Variants in CLN8 observed in about 807,000 individuals in gnomAD.
The protein encoded by CLN8 is protein CLN8.
Under a neutral mutation model 15.7 loss-of-function variants are expected in CLN8, and 14 were observed. The observed-to-expected ratio is 0.89, with a 90% CI of 0.59 to 1.39. The LOEUF (loss-of-function observed/expected upper bound fraction) is 1.39, where lower values mean the gene tolerates loss of function less well. Among genes scored for constraint, CLN8 ranks in the 40% most tolerant of loss-of-function variants. The probability of loss-of-function intolerance (pLI) is 0.00; values close to 1 mark genes in which losing one functional copy is unlikely to be tolerated. For missense variants in CLN8, 415 were observed against 364.0 expected, an observed-to-expected ratio of 1.14 and a Z score of -1.14; for synonymous variants, 188 against 151.0, an observed-to-expected ratio of 1.25 and a Z score of -1.80.
chr8:1,772,678 C>G (rs1410522925), intron 2 of CLN8, among the ~76,000 whole-genome samples: 1 of 152,078 alleles, frequency 6.6e-6, no homozygotes, highest in Non-Finnish European at 1.5e-5. Flanking sequence ...CGGAGTTTCA[C>G]TGTGTTGGCC....
intron 1 of CLN8, among the ~76,000 whole-genome samples, chr8:1,770,038 CTT>C (rs1563106347): frequency 1.3e-5 from 2 of 152,230 alleles, no homozygotes; most frequent in African/African-American, 4.8e-5. Context: ...CTGGGATACA[CTT>C]TGTTACAGCA....
upstream of CLN8, chr8:1,760,492 G>C (rs1800767781): frequency 6.6e-6 from 1 of 152,116 alleles, no homozygotes; most frequent in Non-Finnish European, 1.5e-5. Flanking sequence ...AGTTATGCCT[G>C]TGATGGTTTT....
intron 2 of CLN8, 85 bp from the exon 3 acceptor site, chr8:1,780,165 A>C: frequency 6.2e-7 from 1 of 1,610,792 alleles, no homozygotes; most frequent in Non-Finnish European, 8.5e-7. Flanking sequence ...TTTGGTAAGT[A>C]AGGTAGCAAA....
At position 1,783,714 on chromosome 8, in the gene CLN8, C is replaced by T. The variant is rs1468238932; in HGVS notation, c.*3147C>T. On this transcript the variant is annotated 3_prime_UTR_variant, in exon 3 of 3. Coordinates refer to ENST00000331222, the MANE Select transcript of CLN8 (RefSeq NM_018941.4). The stretch of plus-strand genomic sequence containing the variant: ...CGCAGTTCAGTGTGAGATTTTTTAC[C>T]AGGTATTGCGCTTAAGGGACATGAT... 3 of 152,040 alleles carry T rather than the reference C, an allele frequency of 2.0e-5. No homozygotes were observed. The highest frequency in any genetic ancestry group is 4.8e-5 in the African/African-American group (2 of 41,374). 9.4% of individuals were successfully genotyped at this position (152,040 alleles called of 1,614,324 possible). A position where few individuals can be genotyped will look rare whatever the true frequency, so the allele number is the denominator to read the frequency against.
upstream of CLN8, chr8:1,763,696 G>A (rs545261933): frequency 5.3e-4 from 70 of 132,078 alleles, no homozygotes; most frequent in African/African-American, 1.8e-3. Context: ...GTAGCGCCTA[G>A]GCGGGGCCTC....
chr8:1,760,545 C>T (rs1800768717), upstream of CLN8: 1 of 152,090 alleles, frequency 6.6e-6, no homozygotes, highest in African/African-American at 2.4e-5. Context: ...TAAAGATGGC[C>T]GAGTGGAAAG....
rs1296646916 is a variant in CLN8, at chr8:1,771,049, T to G, written c.-6T>G. On this transcript the variant is annotated 5_prime_UTR_variant, in exon 2 of 3. Coordinates refer to ENST00000331222, the MANE Select transcript of CLN8 (RefSeq NM_018941.4). The stretch of plus-strand genomic sequence containing the variant: ...CCAGGACTCCTTTGGAATATAGCTG[T>G]GGACAATGAATCCTGCGAGCGATGG... 1 of 1,613,978 alleles carries G rather than the reference T, an allele frequency of 6.2e-7. No individual in the cohort carries two copies. The highest frequency in any genetic ancestry group is 8.5e-7 in the Non-Finnish European group (1 of 1,179,994).
At chr8:1,770,507 G>T (rs977058445) in intron 1 of CLN8, among the ~76,000 whole-genome samples, 9 of 152,134 alleles carry the variant, frequency 5.9e-5, no homozygotes, top group African/African-American at 1.9e-4. Flanking sequence ...ACAGGTTTTC[G>T]TGACATCCTT....
At chr8:1,766,701 C>A (rs1231330806) in intron 1 of CLN8, among the ~76,000 whole-genome samples, 1 of 152,146 alleles carries the variant, frequency 6.6e-6, no homozygotes, top group Non-Finnish European at 1.5e-5. Flanking sequence ...GATTCGGCCT[C>A]CAGTTTTACC....
At chr8:1,776,902 G>T (rs938943371) in intron 2 of CLN8, among the ~76,000 whole-genome samples, 4 of 152,202 alleles carry the variant, frequency 2.6e-5, no homozygotes, top group Non-Finnish European at 4.4e-5. Context: ...CGCAGCAGAA[G>T]GGTGGGCAGC....
intron 2 of CLN8, among the ~76,000 whole-genome samples, chr8:1,777,282 C>G (rs1396761301): frequency 6.6e-6 from 1 of 152,138 alleles, no homozygotes; most frequent in Non-Finnish European, 1.5e-5. Context: ...AATGGCACAC[C>G]TGTGCAGGGC....
At chr8:1,759,286 T>C (rs140984188), upstream of CLN8, 2 of 152,396 alleles carry the variant, frequency 1.3e-5, no homozygotes, top group African/African-American at 4.8e-5. Flanking sequence ...AATTTTATTT[T>C]TGTTTTACAG....
upstream of CLN8, among the ~76,000 whole-genome samples, chr8:1,761,124 A>G (rs1800786557): frequency 7.0e-6 from 1 of 142,868 alleles, no homozygotes; most frequent in African/African-American, 2.6e-5. Flanking sequence ...GGTTCAGGCA[A>G]TTCTCCTGCC....
In CLN8 at chr8:1,771,470, A is replaced by G. The variant is rs1195769874; in HGVS notation, c.416A>G (p.His139Arg). The G allele has an allele frequency of 1.2e-6, 2 of 1,614,002 alleles. No homozygotes were observed. The highest frequency in any genetic ancestry group is 1.1e-5 in the South Asian group (1 of 91,078). ...RTFDLFLVIH[H>R]LFAFLGFLGC... ...TTTGACTTGTTTCTGGTTATCCACC[A>G]TCTCTTTGCCTTTCTTGGGTTTCTT... The change falls in exon 2 of 3, where the codon CAT (histidine) becomes CGT (arginine). Residue 139 changes from histidine to arginine, a missense_variant. Transcript: ENST00000331222.
intron 2 of CLN8, 35 bp from the exon 3 acceptor site, chr8:1,780,215 G>GCATT (rs1563113970): frequency 1.2e-6 from 2 of 1,614,134 alleles, no homozygotes; most frequent in Admixed American, 3.3e-5. Context: ...TGGCAGTTTC[G>GCATT]CATTGACTTG....
At chr8:1,762,994 G>C (rs1250754807), upstream of CLN8, 1 of 152,186 alleles carries the variant, frequency 6.6e-6, no homozygotes, top group Non-Finnish European at 1.5e-5. Context: ...ACCTTAGAGA[G>C]AAGAAACATA....
At chr8:1,757,962 C>G (rs185637156) in intron 1 of CLN8, among the ~76,000 whole-genome samples, 4 of 152,214 alleles carry the variant, frequency 2.6e-5, no homozygotes, top group Admixed American at 2.6e-4. Flanking sequence ...AGGGACCAAT[C>G]TCATCCTTTT....
intron 2 of CLN8, 94 bp from the exon 3 acceptor site, chr8:1,780,156 T>C: frequency 6.2e-7 from 1 of 1,605,398 alleles, no homozygotes; most frequent in Non-Finnish European, 8.5e-7. Flanking sequence ...TTTGTTTTGT[T>C]TGGTAAGTAA....
rs1383859767 is a variant in CLN8, at chr8:1,782,777, A to G, written c.*2210A>G. 1 of 152,276 alleles carries G rather than the reference A, an allele frequency of 6.6e-6. No individual in the cohort carries two copies. The highest frequency in any genetic ancestry group is 1.5e-5 in the Non-Finnish European group (1 of 68,050). The allele number at this position is 152,276 out of a possible 1,614,324, so 9.4% of individuals were successfully genotyped here. A position where few individuals can be genotyped will look rare whatever the true frequency, so the allele number is the denominator to read the frequency against. On this transcript the variant is annotated 3_prime_UTR_variant, in exon 3 of 3. Transcript: ENST00000331222. ...ATGCTTTATCTTGGAGATAGAAAAT[A>G]TAATGATAAATTCATCATGTGTTCA...
Sources: gnomAD v4.1 joint callset for allele counts (sites outside exome capture counted in the v4.1 genomes callset) on GRCh38, gnomAD v4.1.1 for gene constraint, MANE v1.5 for transcripts, NCBI Gene and HGNC (gene_info 2026-07-23, HGNC 2026-07-21) for gene names.